ISM1: variants seen among roughly 807,000 people sequenced by gnomAD.
The protein encoded by ISM1 is isthmin 1.
In ISM1, 25 loss-of-function variants were observed where a neutral mutation model predicts 46.3. The observed-to-expected ratio is 0.54, with a 90% CI of 0.39 to 0.75. ISM1 has a LOEUF of 0.75. ISM1 is among the 30% of genes least tolerant of loss of function. The pLI, the probability that ISM1 is intolerant of heterozygous loss-of-function variation, is 0.00. For synonymous variants in ISM1, 255 were observed against 256.7 expected (o/e 0.99, Z 0.06); for missense variants, 536 against 625.4 (o/e 0.86, Z 1.52).
At chr20:13,303,707 T>C (rs971525231), downstream of ISM1, among the ~76,000 whole-genome samples, 2 of 152,184 alleles carry the variant, frequency 1.3e-5, no homozygotes, top group Admixed American at 6.5e-5. Flanking sequence ...ATTTAGTCAT[T>C]TGCCAAATAT....
At chr20:13,222,896 C>T (rs1277386832) in intron 1 of ISM1, among the ~76,000 whole-genome samples, 1 of 152,200 alleles carries the variant, frequency 6.6e-6, no homozygotes, top group Non-Finnish European at 1.5e-5. Context: ...GGCGCGGTGG[C>T]TCACGCCTGT....
At chr20:13,255,369 C>G (rs2039915521) in intron 1 of ISM1, among the ~76,000 whole-genome samples, 1 of 152,124 alleles carries the variant, frequency 6.6e-6, no homozygotes, top group South Asian at 2.1e-4. Flanking sequence ...GTTGAGTTTA[C>G]AGTTCAGTCA....
At chr20:13,225,964 C>CT (rs199980744) in intron 1 of ISM1, among the ~76,000 whole-genome samples, 3,479 of 152,184 alleles carry the variant, frequency 0.023, 118 homozygotes, top group African/African-American at 0.074. Context: ...ATAAAGGTAT[C>CT]TCCTTTGTCT....
chr20:13,275,966 G>T (rs1568682483), intron 2 of ISM1, among the ~76,000 whole-genome samples: 1 of 152,216 alleles, frequency 6.6e-6, no homozygotes, highest in East Asian at 1.9e-4. Flanking sequence ...CGTGCTGCAA[G>T]TCTCAAAGCA....
chr20:13,324,149 C>T, the ISM1 span, among the ~76,000 whole-genome samples: 1 of 152,214 alleles, frequency 6.6e-6, no homozygotes, highest in African/African-American at 2.4e-5. Context: ...GTGAAATCAA[C>T]TTTCATAACC....
rs2040099816 is a variant in ISM1 at position 13,270,495 on chromosome 20, T to A, written c.139-9T>A. ...CCTTAACAGGTGTTTGCTTGTTTGTTTGTTTTAGAATAACCTCAACGTGGG... is the reference window on the plus strand; with the variant it reads ...CCTTAACAGGTGTTTGCTTGTTTGTATGTTTTAGAATAACCTCAACGTGGG... On this transcript the variant is annotated splice_polypyrimidine_tract_variant and intron_variant, in intron 1 of 5. Coordinates refer to ENST00000262487, the MANE Select transcript of ISM1 (RefSeq NM_080826.2). The A allele has an allele frequency of 6.2e-7, 1 of 1,608,606 alleles. No individual in the cohort carries two copies. Among genetic ancestry groups the A allele is most frequent in the Admixed American group, 1.7e-5 (1 of 59,172 alleles).
chr20:13,292,033 T>C (rs2040358399), intron 4 of ISM1, among the ~76,000 whole-genome samples: 1 of 152,176 alleles, frequency 6.6e-6, no homozygotes, highest in Admixed American at 6.5e-5. Context: ...TATTAAACAC[T>C]ACGTTCTACT....
chr20:13,297,871 G>A (rs2040421736), intron 5 of ISM1, among the ~76,000 whole-genome samples: 1 of 152,162 alleles, frequency 6.6e-6, no homozygotes, highest in East Asian at 1.9e-4. Flanking sequence ...TCACTGGCCT[G>A]TGACCCAAAT....
At position 13,252,389 on chromosome 20, in the gene ISM1, A is replaced by G. The variant is rs577338434; in HGVS notation, c.139-18115A>G. Among the ~76,000 whole-genome samples, 20 of 152,234 alleles carry G rather than the reference A, an allele frequency of 1.3e-4. No homozygotes were observed. The South Asian group carries it at 1.7e-3, about 13-fold the overall frequency. On this transcript the variant is annotated intron_variant, in intron 1 of 5. Transcript: ENST00000262487. ...AAAGTTAGGTGTTGGATGGTCTGAGATTTATCCTTGCTGATGGGTTCATCG... is the reference window on the plus strand; with the variant it reads ...AAAGTTAGGTGTTGGATGGTCTGAGGTTTATCCTTGCTGATGGGTTCATCG...
intron 1 of ISM1, among the ~76,000 whole-genome samples, chr20:13,242,209 AC>A (rs1207235038): frequency 6.6e-6 from 1 of 152,188 alleles, no homozygotes; most frequent in Non-Finnish European, 1.5e-5. Flanking sequence ...GAGGTCATCT[AC>A]ATGGATGTTG....
At chr20:13,268,880 C>T (rs1364938918) in intron 1 of ISM1, among the ~76,000 whole-genome samples, 1 of 152,136 alleles carries the variant, frequency 6.6e-6, no homozygotes, top group African/African-American at 2.4e-5. Context: ...TGCCACTGCA[C>T]TCCAGCCTGG....
At chr20:13,266,571 G>A (rs1245098182) in intron 1 of ISM1, among the ~76,000 whole-genome samples, 5 of 152,212 alleles carry the variant, frequency 3.3e-5, no homozygotes, top group South Asian at 2.1e-4. Context: ...ACTCATTGTC[G>A]ATGTTAACTC....
intron 1 of ISM1, among the ~76,000 whole-genome samples, chr20:13,237,018 A>G (rs1282466210): frequency 1.3e-5 from 2 of 152,176 alleles, no homozygotes; most frequent in Non-Finnish European, 2.9e-5. Flanking sequence ...TCACAGCTCC[A>G]CTAGGCAGTG....
chr20:13,222,806 T>C (rs1300970577), intron 1 of ISM1, among the ~76,000 whole-genome samples: 2 of 152,144 alleles, frequency 1.3e-5, no homozygotes, highest in African/African-American at 2.4e-5. Context: ...AACTGTAAAC[T>C]TGGAGCATAG....
chr20:13,226,469 C>T (rs1487441661), intron 1 of ISM1, among the ~76,000 whole-genome samples: 1 of 152,042 alleles, frequency 6.6e-6, no homozygotes, highest in East Asian at 1.9e-4. Flanking sequence ...GCAGAACAAA[C>T]CACCCTAAAA....
chr20:13,249,061 C>T (rs1288165638), intron 1 of ISM1, among the ~76,000 whole-genome samples: 1 of 152,168 alleles, frequency 6.6e-6, no homozygotes, highest in African/African-American at 2.4e-5. Flanking sequence ...GTCAGGAGCC[C>T]TGCAAAGAAC....
chr20:13,284,615 T>C (rs1223493279), intron 3 of ISM1, among the ~76,000 whole-genome samples: 2 of 152,210 alleles, frequency 1.3e-5, no homozygotes, highest in Non-Finnish European at 2.9e-5. Flanking sequence ...GTTCTGTTCT[T>C]TGAAGACATT....
chr20:13,233,692 C>T (rs1418596489), intron 1 of ISM1, among the ~76,000 whole-genome samples: 1 of 151,486 alleles, frequency 6.6e-6, no homozygotes, highest in African/African-American at 2.4e-5. Flanking sequence ...GCACATGGGA[C>T]ATAGGAAAAT....
At chr20:13,242,491 T>C (rs528611852) in intron 1 of ISM1, among the ~76,000 whole-genome samples, 37 of 152,226 alleles carry the variant, frequency 2.4e-4, no homozygotes, top group African/African-American at 8.7e-4. Context: ...TTGATTATCA[T>C]GGAGGAAAAG....
Sources: gnomAD v4.1 joint callset for allele counts (sites outside exome capture counted in the v4.1 genomes callset) on GRCh38, gnomAD v4.1.1 for gene constraint, MANE v1.5 for transcripts, NCBI Gene and HGNC (gene_info 2026-07-23, HGNC 2026-07-21) for gene names.